Variants in MAP4K5 observed in about 807,000 individuals in gnomAD.
The protein encoded by MAP4K5 is mitogen-activated protein kinase kinase kinase kinase 5, also known as MAPK/ERK kinase kinase kinase 5.
MAP4K5 carries 82 observed loss-of-function variants against 135.6 expected under a neutral mutation model. The ratio of observed to expected loss-of-function variants is 0.60; its 90% CI spans 0.51 to 0.73. The LOEUF is 0.73. MAP4K5 is among the 30% of genes least tolerant of loss of function. The pLI, the probability that MAP4K5 is intolerant of heterozygous loss-of-function variation, is 0.00. For synonymous variants in MAP4K5, 347 were observed against 335.0 expected (o/e 1.04, Z -0.39); for missense variants, 907 against 1,010.9 (o/e 0.90, Z 1.39).
chr14:50,542,426 A>G lies in MAP4K5; in HGVS notation c.-94+73T>C, dbSNP rs111748553. Reference sequence around the variant, plus strand: ...GTATACCTGTGTAACAAACCTGCACATTCTGTACAGGTATCCCAGAACTTA... The same window carrying G: ...GTATACCTGTGTAACAAACCTGCACGTTCTGTACAGGTATCCCAGAACTTA... On this transcript the variant is annotated intron_variant, in intron 2 of 8. Coordinates refer to the MAP4K5 transcript ENST00000555216. 3.0e-4 allele frequency: 45 copies of G among 152,272 alleles called. 2 individuals carry two copies. Among genetic ancestry groups the G allele is most frequent in the Admixed American group, 2.4e-3 (36 of 15,300 alleles). 9.4% of individuals were successfully genotyped at this position (152,272 alleles called of 1,614,324 possible). A position where few individuals can be genotyped will look rare whatever the true frequency, so the allele number is the denominator to read the frequency against.
chr14:50,420,207 T>A, intron 32 of MAP4K5, 101 bp from the exon 33 acceptor site: 1 of 723,292 alleles, frequency 1.4e-6, no homozygotes, highest in South Asian at 1.5e-5. Flanking sequence ...CACATTTCAG[T>A]AAGATTACGT....
intron 2 of MAP4K5, among the ~76,000 whole-genome samples, chr14:50,505,819 C>G (rs998467216): frequency 6.6e-6 from 1 of 152,142 alleles, no homozygotes; most frequent in Non-Finnish European, 1.5e-5. Flanking sequence ...TATAATAATC[C>G]TCTTTATTGT....
At chr14:50,529,073 C>T (rs1341373163) in intron 2 of MAP4K5, among the ~76,000 whole-genome samples, 9 of 152,064 alleles carry the variant, frequency 5.9e-5, no homozygotes, top group Non-Finnish European at 7.4e-5. Flanking sequence ...AAAATACACA[C>T]GCAGGGTATC....
chr14:50,420,094 C>T lies in MAP4K5; in HGVS notation c.2466G>A (p.Leu822=). 1 of 1,607,056 alleles carries T rather than the reference C, an allele frequency of 6.2e-7. No individual in the cohort carries two copies. ...TAGGATTTTCTGTTGGCCTACTTTC[C>T]AAAACGACAACCCTGTAATTAAACC... The part of the protein sequence containing the change: ...RLLGSDRVVV[L]ESRPTENPTA... The change falls in exon 33 of 33, where the codon TTG becomes TTA. Residue 822 remains leucine (L), a synonymous_variant. Transcript: ENST00000682126.
chr14:50,434,010 T>C, intron 28 of MAP4K5, among the ~76,000 whole-genome samples: 1 of 152,174 alleles, frequency 6.6e-6, no homozygotes. Flanking sequence ...CCACATTCAC[T>C]GATTCTAAGA....
intron 1 of MAP4K5, among the ~76,000 whole-genome samples, chr14:50,554,811 G>A (rs1362402951): frequency 2.0e-5 from 3 of 152,102 alleles, no homozygotes; most frequent in Non-Finnish European, 2.9e-5. Context: ...CCACTCGCTG[G>A]GCTGGACTCG....
chr14:50,499,932 G>C (rs1331489891), intron 3 of MAP4K5, among the ~76,000 whole-genome samples: 3 of 152,192 alleles, frequency 2.0e-5, no homozygotes, highest in African/African-American at 7.2e-5. Flanking sequence ...TTATCTACCA[G>C]GGGAAAAATA....
chr14:50,434,903 G>T, intron 27 of MAP4K5, 59 bp downstream of exon 27: 1 of 989,622 alleles, frequency 1.0e-6, no homozygotes, highest in Non-Finnish European at 1.5e-6. Context: ...GCTAATTTTA[G>T]CTTCAGTTAT....
At chr14:50,491,553 T>G (rs1447056309) in intron 3 of MAP4K5, among the ~76,000 whole-genome samples, 1 of 152,042 alleles carries the variant, frequency 6.6e-6, no homozygotes, top group East Asian at 1.9e-4. Context: ...AGCCTTGGTC[T>G]CCCAAACCAC....
chr14:50,548,426 A>C (rs1176862492), intron 1 of MAP4K5, among the ~76,000 whole-genome samples: 1 of 152,218 alleles, frequency 6.6e-6, no homozygotes, highest in East Asian at 1.9e-4. Flanking sequence ...TTGTATTAGA[A>C]GTCACTAGAG....
intron 2 of MAP4K5, among the ~76,000 whole-genome samples, chr14:50,539,908 G>C (rs1002839207): frequency 2.0e-5 from 3 of 152,092 alleles, no homozygotes; most frequent in Non-Finnish European, 4.4e-5. Flanking sequence ...TCAAGGTTTA[G>C]GGAGATGGGA....
At chr14:50,508,056 G>C (rs992222294) in intron 2 of MAP4K5, among the ~76,000 whole-genome samples, 1 of 152,102 alleles carries the variant, frequency 6.6e-6, no homozygotes, top group Non-Finnish European at 1.5e-5. Flanking sequence ...ATATATTTAG[G>C]ATAGTTAGCT....
intron 3 of MAP4K5, among the ~76,000 whole-genome samples, chr14:50,490,798 T>C (rs1221812810): frequency 1.3e-5 from 2 of 152,220 alleles, no homozygotes; most frequent in South Asian, 4.1e-4. Flanking sequence ...AGCTACCACT[T>C]GCTTCTGCTA....
At chr14:50,545,489 C>T (rs935390433) in intron 1 of MAP4K5, among the ~76,000 whole-genome samples, 1 of 152,140 alleles carries the variant, frequency 6.6e-6, no homozygotes, top group Non-Finnish European at 1.5e-5. Context: ...ACTGCTCAAC[C>T]TTTGTGGGCT....
intron 8 of MAP4K5, 60 bp from the exon 9 acceptor site, chr14:50,475,209 C>T (rs1295686987): frequency 7.7e-7 from 1 of 1,293,916 alleles, no homozygotes; most frequent in African/African-American, 1.5e-5. Context: ...AACATTTTTA[C>T]TTTCGCCCTT....
chr14:50,537,093 C>T (rs914644157), upstream of MAP4K5, among the ~76,000 whole-genome samples: 1 of 152,184 alleles, frequency 6.6e-6, no homozygotes, highest in African/African-American at 2.4e-5. Context: ...GGCCAGGAGA[C>T]CTAGGAGGAA....
At chr14:50,441,797 C>CACACACAT (rs1491145074) in intron 21 of MAP4K5, among the ~76,000 whole-genome samples, 25 of 132,564 alleles carry the variant, frequency 1.9e-4, no homozygotes, top group African/African-American at 7.4e-4. Flanking sequence ...CACACACACA[C>CACACACAT]ATATATATAC....
Position 50,476,281 on chromosome 14 carries a change from C to A in MAP4K5, c.404G>T (p.Gly135Val). The A allele has an allele frequency of 6.8e-7, 1 of 1,479,192 alleles. No homozygotes were observed. The allele number at this position is 1,479,192 out of a possible 1,614,324, so 91.6% of individuals were successfully genotyped here. A position where few individuals can be genotyped will look rare whatever the true frequency, so the allele number is the denominator to read the frequency against. ...TACTTTGATATCTCTATGCATTTTG[C>A]CTTTAGTATGCAAATAGGCAAGACC... ...LQGLAYLHTK[G>V]KMHRDIKGAN... Residue 135 changes from glycine (G) to valine (V), a missense_variant, in exon 7 of 33, where the codon GGC becomes GTC. This residue lies in a region of MAP4K5 where 196 missense variants were observed against 189.3 expected (regional missense o/e 1.04). Transcript: ENST00000682126.
At chr14:50,445,571 T>G (rs989998628) in intron 17 of MAP4K5, among the ~76,000 whole-genome samples, 3 of 152,142 alleles carry the variant, frequency 2.0e-5, no homozygotes, top group Non-Finnish European at 4.4e-5. Flanking sequence ...GCCTTTTTCT[T>G]TCTTTCTTTT....
Sources: gnomAD v4.1 joint callset for allele counts (sites outside exome capture counted in the v4.1 genomes callset) on GRCh38, gnomAD v4.1.1 for gene constraint, gnomAD v4.1.1 regional missense constraint, MANE v1.5 for transcripts, NCBI Gene and HGNC (gene_info 2026-07-23, HGNC 2026-07-21) for gene names.